RBFOX1: variants seen among roughly 807,000 people sequenced by gnomAD.
RBFOX1 encodes RNA binding fox-1 homolog 1.
A neutral mutation model predicts 57.7 loss-of-function variants in RBFOX1; 8 were observed. That is an observed-to-expected ratio of 0.14 (90% CI 0.08 to 0.25). RBFOX1 has a LOEUF of 0.25. RBFOX1 is among the 10% of genes least tolerant of loss of function. The probability of loss-of-function intolerance (pLI) is 1.00; values close to 1 mark genes in which losing one functional copy is unlikely to be tolerated. For missense variants in RBFOX1, 611 were observed against 548.5 expected (o/e 1.11, Z -1.14); for synonymous variants, 326 against 222.4 (o/e 1.47, Z -4.15).
In RBFOX1 at chr16:6,780,557, CATATTTATAT is replaced by C. The variant is rs1251133696; in HGVS notation, c.-16+125922_-16+125931del. Reference sequence around the variant, plus strand: ...ATATATACATTTACATATATATTTACATATTTATATATATTTATATATATATTTATATATA... The same window carrying C: ...ATATATACATTTACATATATATTTACATATTTATATATATATTTATATATA... On this transcript the variant is annotated intron_variant, in intron 3 of 15. Coordinates refer to ENST00000550418, the MANE Select transcript of RBFOX1 (RefSeq NM_018723.4). 8.7e-4 allele frequency among the ~76,000 whole-genome samples: 104 copies of C among 119,470 alleles called. 1 individual carries two copies. The Middle Eastern group carries it at 0.015, about 17-fold the overall frequency. The allele number at this position is 119,470 out of a possible 152,430, so 78.4% of individuals were successfully genotyped here. A position where few individuals can be genotyped will look rare whatever the true frequency, so the allele number is the denominator to read the frequency against.
intron 3 of RBFOX1, among the ~76,000 whole-genome samples, chr16:6,790,762 G>C (rs1193220834): frequency 1.3e-5 from 2 of 152,042 alleles, no homozygotes; most frequent in Non-Finnish European, 2.9e-5. Flanking sequence ...CCTTATTCTT[G>C]TCAAAAGCTC....
At chr16:6,468,755 G>A (rs1362699449) in intron 2 of RBFOX1, among the ~76,000 whole-genome samples, 1 of 151,672 alleles carries the variant, frequency 6.6e-6, no homozygotes, top group African/African-American at 2.4e-5. Flanking sequence ...ACTTCTTTCT[G>A]CCTTTTTTAT....
intron 4 of RBFOX1, among the ~76,000 whole-genome samples, chr16:5,953,219 T>A (rs2059555947): frequency 2.0e-5 from 3 of 152,164 alleles, no homozygotes; most frequent in Non-Finnish European, 4.4e-5. Flanking sequence ...AGGGAATGAT[T>A]TTGCCCCTCA....
At chr16:5,441,898 A>C (rs2068096334) in intron 1 of RBFOX1, among the ~76,000 whole-genome samples, 1 of 152,162 alleles carries the variant, frequency 6.6e-6, no homozygotes, top group South Asian at 2.1e-4. Flanking sequence ...AGTAATCTCC[A>C]CTTGTTCTCT....
chr16:7,124,726 A>T lies in RBFOX1; in HGVS notation c.27+72628A>T, dbSNP rs186184615. The stretch of plus-strand genomic sequence containing the variant: ...TACACAAAAAGACTCTATATCACAT[A>T]CGGAAAAGGTAGCTGGCTTTAGTTC... On this transcript the variant is annotated intron_variant, in intron 4 of 15. Transcript: ENST00000550418. Among the ~76,000 whole-genome samples the T allele has an allele frequency of 2.6e-5, 4 of 152,080 alleles. No individual in the cohort carries two copies. The East Asian group carries it at 7.7e-4, about 29-fold the overall frequency.
intron 3 of RBFOX1, among the ~76,000 whole-genome samples, chr16:5,652,568 A>T (rs577227042): frequency 2.0e-5 from 3 of 152,302 alleles, no homozygotes; most frequent in African/African-American, 7.2e-5. Context: ...AGGCCATACC[A>T]TCCAGACCTC....
chr16:6,149,595 C>T (rs1175759585), intron 1 of RBFOX1, among the ~76,000 whole-genome samples: 1 of 152,154 alleles, frequency 6.6e-6, no homozygotes, highest in Non-Finnish European at 1.5e-5. Context: ...TTAGATGAGG[C>T]AGATGCTAGA....
intron 4 of RBFOX1, among the ~76,000 whole-genome samples, chr16:7,266,646 A>G (rs922987608): frequency 2.6e-5 from 4 of 151,730 alleles, no homozygotes; most frequent in African/African-American, 9.7e-5. Flanking sequence ...GGCACACTTC[A>G]CTCCGTAACA....
chr16:6,254,340 G>T (rs558481811), intron 1 of RBFOX1, among the ~76,000 whole-genome samples: 1 of 152,244 alleles, frequency 6.6e-6, no homozygotes, highest in East Asian at 1.9e-4. Context: ...ATAAGTGATT[G>T]TTTTTATCAA....
intron 2 of RBFOX1, among the ~76,000 whole-genome samples, chr16:6,561,873 T>C (rs908834948): frequency 1.3e-5 from 2 of 152,186 alleles, no homozygotes; most frequent in African/African-American, 2.4e-5. Flanking sequence ...TGGTGAATGA[T>C]TTAATGACGG....
intron 1 of RBFOX1, among the ~76,000 whole-genome samples, chr16:6,315,158 G>A (rs978514373): frequency 6.6e-6 from 1 of 152,242 alleles, no homozygotes; most frequent in African/African-American, 2.4e-5. Context: ...GGCAGGTACT[G>A]TTTATTCCCA....
Position 5,624,261 on chromosome 16 carries a change from C to G in RBFOX1, c.318+25300C>G, listed in dbSNP as rs140248656. On this transcript the variant is annotated intron_variant, in intron 3 of 19. Transcript: ENST00000641259. ...CCAGGCTAGAGTGCAGTGGTGTGAT[C>G]TAGGCTCACTGCAAGCTCTACCTTC... 5.9e-3 allele frequency among the ~76,000 whole-genome samples: 902 copies of G among 152,308 alleles called. 8 individuals are homozygous for G. Among genetic ancestry groups the G allele is most frequent in the African/African-American group, 0.021 (856 of 41,558 alleles).
At chr16:5,296,535 C>A (rs1383266417) in intron 1 of RBFOX1, among the ~76,000 whole-genome samples, 2 of 150,704 alleles carry the variant, frequency 1.3e-5, no homozygotes, top group South Asian at 4.2e-4. Flanking sequence ...CTCAGCAGTT[C>A]AATAGAGGAA....
chr16:6,304,116 C>T (rs1230210980), intron 1 of RBFOX1, among the ~76,000 whole-genome samples: 1 of 151,702 alleles, frequency 6.6e-6, no homozygotes, highest in Non-Finnish European at 1.5e-5. Flanking sequence ...AGCCCAAACC[C>T]CATCTTCACT....
chr16:7,094,359 C>T (rs140765405), intron 4 of RBFOX1, among the ~76,000 whole-genome samples: 16 of 151,976 alleles, frequency 1.1e-4, no homozygotes, highest in African/African-American at 3.6e-4. Flanking sequence ...AGAGCTTTGC[C>T]CATTGTCTTC....
chr16:6,134,838 C>A (rs564459754), intron 1 of RBFOX1, among the ~76,000 whole-genome samples: 3 of 114,680 alleles, frequency 2.6e-5, no homozygotes, highest in South Asian at 3.3e-4. Flanking sequence ...TTACCCCAGG[C>A]AGGCCATTTT....
intron 3 of RBFOX1, among the ~76,000 whole-genome samples, chr16:6,760,565 C>T (rs185036257): frequency 2.3e-4 from 35 of 152,256 alleles, no homozygotes; most frequent in African/African-American, 6.7e-4. Context: ...TTAGTCTTCT[C>T]GACAGTTTAG....
At chr16:6,591,277 C>A (rs982687162) in intron 2 of RBFOX1, among the ~76,000 whole-genome samples, 1 of 152,100 alleles carries the variant, frequency 6.6e-6, no homozygotes, top group African/African-American at 2.4e-5. Flanking sequence ...GAAACACCAC[C>A]TCTACTAAAA....
chr16:5,382,451 T>A (rs932991927), intron 1 of RBFOX1, among the ~76,000 whole-genome samples: 1 of 152,212 alleles, frequency 6.6e-6, no homozygotes, highest in South Asian at 2.1e-4. Context: ...TTTATTTGCC[T>A]TCTGGTATCT....
Sources: allele counts gnomAD v4.1 joint callset (sites outside exome capture counted in the v4.1 genomes callset), GRCh38; gene constraint gnomAD v4.1.1; transcripts MANE v1.5; gene names NCBI Gene and HGNC (gene_info 2026-07-23, HGNC 2026-07-21).